PRKCA: variants seen among roughly 807,000 people sequenced by gnomAD.
PRKCA encodes the protein protein kinase C alpha type.
In PRKCA, 27 loss-of-function variants were observed where a neutral mutation model predicts 87.0. The observed-to-expected ratio is 0.31, with a 90% CI of 0.23 to 0.43. The LOEUF (loss-of-function observed/expected upper bound fraction) is 0.43. Among genes scored for constraint, PRKCA ranks in the 20% least tolerant of loss-of-function variants. PRKCA has a pLI of 1.00. For missense variants in PRKCA, 518 were observed against 852.3 expected, an observed-to-expected ratio of 0.61 and a Z score of 4.88; for synonymous variants, 329 against 311.1, an observed-to-expected ratio of 1.06 and a Z score of -0.61.
At chr17:66,503,349 T>C (rs559874998) in intron 3 of PRKCA, among the ~76,000 whole-genome samples, 111 of 152,320 alleles carry the variant, frequency 7.3e-4, no homozygotes, top group Middle Eastern at 3.4e-3. Context: ...CTATCTCACC[T>C]GGCAGACAAC....
At chr17:66,640,755 G>C (rs1971269861) in intron 3 of PRKCA, among the ~76,000 whole-genome samples, 1 of 152,216 alleles carries the variant, frequency 6.6e-6, no homozygotes. Flanking sequence ...CACTGTGCTT[G>C]TCCCCAAGGG....
Position 66,306,134 on chromosome 17 carries a change from T to C in PRKCA, c.205+7T>C. ...CAAGGCTTCCAGTGCCAAGGTAAGCTACCACTTTTGGTTTTATTTTCAAGC... is the reference window on the plus strand; with the variant it reads ...CAAGGCTTCCAGTGCCAAGGTAAGCCACCACTTTTGGTTTTATTTTCAAGC... On this transcript the variant is annotated splice_region_variant and intron_variant, in intron 2 of 16. Coordinates refer to ENST00000413366, the MANE Select transcript of PRKCA (RefSeq NM_002737.3). The C allele has an allele frequency of 6.2e-7, 1 of 1,611,580 alleles. No individual in the cohort carries two copies. The highest frequency in any genetic ancestry group is 1.1e-5 in the South Asian group (1 of 90,636).
At position 66,566,479 on chromosome 17, in the gene PRKCA, G is replaced by GTTTTTTTTTTTTTTT. The variant is rs368602635; in HGVS notation, c.288+70196_288+70197insTTTTTTTTTTTTTTT. ...TTGTGAAGAACTGTTGTTGTTTTTT[G>GTTTTTTTTTTTTTTT]GTTTTTTTTTTTTTTTTTTTTTTGC... On this transcript the variant is annotated intron_variant, in intron 3 of 16. Coordinates refer to ENST00000413366, the MANE Select transcript of PRKCA (RefSeq NM_002737.3). Among the ~76,000 whole-genome samples, 11 of 74,698 alleles carry GTTTTTTTTTTTTTTT rather than the reference G, an allele frequency of 1.5e-4. 1 individual carries two copies. The highest frequency in any genetic ancestry group is 6.5e-3 in the Middle Eastern group (1 of 154). The allele number at this position is 74,698 out of a possible 152,430, so 49.0% of individuals were successfully genotyped here. A position where few individuals can be genotyped will look rare whatever the true frequency, so the allele number is the denominator to read the frequency against.
At chr17:66,683,607 G>C (rs1490851827) in intron 5 of PRKCA, among the ~76,000 whole-genome samples, 2 of 151,954 alleles carry the variant, frequency 1.3e-5, no homozygotes, top group East Asian at 3.9e-4. Context: ...TCTTTTTTTG[G>C]GGGGGTCGGG....
rs948347509 is a variant in PRKCA, at chr17:66,423,647, T to C, written c.206-72554T>C. Among the ~76,000 whole-genome samples the C allele has an allele frequency of 2.0e-5, 3 of 152,246 alleles. 1 individual carries two copies. The East Asian group carries it at 5.8e-4, about 29-fold the overall frequency. On this transcript the variant is annotated intron_variant, in intron 2 of 16. Transcript: ENST00000413366. ...TGAAGCCTTTAATGCATACTGTTTT[T>C]CTTCCCAGGTAATCTGCAATAGTAA...
At chr17:66,432,033 G>A (rs904548047) in intron 2 of PRKCA, among the ~76,000 whole-genome samples, 1 of 152,146 alleles carries the variant, frequency 6.6e-6, no homozygotes, top group Non-Finnish European at 1.5e-5. Context: ...AAAGGAAGGG[G>A]AGAATGTTTT....
chr17:66,759,120 C>T lies in PRKCA; in HGVS notation c.1525-14867C>T, dbSNP rs569207385. Among the ~76,000 whole-genome samples, 14 of 151,630 alleles carry T rather than the reference C, an allele frequency of 9.2e-5. 1 individual carries two copies. In the South Asian group the frequency reaches 1.5e-3, roughly 16 times the overall value. ...CTGTAATCCTAGCACTTTGGGAGGC[C>T]GAGGCGGGCGGATTACAAGGTCAGG... On this transcript the variant is annotated intron_variant, in intron 13 of 16. Transcript: ENST00000413366.
In PRKCA at chr17:66,506,060, T is replaced by C. The variant is rs1916962168; in HGVS notation, c.288+9777T>C. Among the ~76,000 whole-genome samples, 3 of 151,882 alleles carry C rather than the reference T, an allele frequency of 2.0e-5. No homozygotes were observed. The South Asian group carries it at 6.2e-4, about 32-fold the overall frequency. ...CCTATAATCCCAGCACTTTGGGAGG[T>C]CAAGGCAGGTGGATCACCTGAGGTC... On this transcript the variant is annotated intron_variant, in intron 3 of 16. Coordinates refer to ENST00000413366, the MANE Select transcript of PRKCA (RefSeq NM_002737.3).
intron 13 of PRKCA, among the ~76,000 whole-genome samples, chr17:66,751,733 C>G (rs1974431462): frequency 6.6e-6 from 1 of 152,164 alleles, no homozygotes; most frequent in Admixed American, 6.5e-5. Context: ...GCCCCTGCCA[C>G]CCTCAGAGGG....
intron 2 of PRKCA, among the ~76,000 whole-genome samples, chr17:66,400,330 T>G (rs928205100): frequency 6.6e-6 from 1 of 152,188 alleles, no homozygotes; most frequent in African/African-American, 2.4e-5. Flanking sequence ...TTTTGCATTT[T>G]TAGTAGAGAT....
At chr17:66,374,501 G>C (rs908414634) in intron 2 of PRKCA, among the ~76,000 whole-genome samples, 1 of 152,102 alleles carries the variant, frequency 6.6e-6, no homozygotes, top group Non-Finnish European at 1.5e-5. Flanking sequence ...CCAGCCTAGT[G>C]GAGACTTGCT....
chr17:66,643,324 G>C (rs984040915), intron 4 of PRKCA, among the ~76,000 whole-genome samples: 1 of 152,178 alleles, frequency 6.6e-6, no homozygotes, highest in South Asian at 2.1e-4. Flanking sequence ...TTTTCTGCAT[G>C]AATGAGGATT....
At chr17:66,660,119 CAA>C (rs755809575) in intron 5 of PRKCA, among the ~76,000 whole-genome samples, 2 of 138,644 alleles carry the variant, frequency 1.4e-5, no homozygotes, top group Non-Finnish European at 3.2e-5. Context: ...TAGGGATCAA[CAA>C]AAAAAAAAAC....
At chr17:66,781,868 G>GAGAGATATATATATATATATAT (rs1491546533) in intron 14 of PRKCA, among the ~76,000 whole-genome samples, 1 of 99,356 alleles carries the variant, frequency 1.0e-5, no homozygotes, top group African/African-American at 3.8e-5. Flanking sequence ...GAGAGAGAGA[G>GAGAGATATATATATATATATAT]ATATATATAT....
chr17:66,454,365 A>G (rs926612834), intron 2 of PRKCA, among the ~76,000 whole-genome samples: 1 of 152,232 alleles, frequency 6.6e-6, no homozygotes, highest in Non-Finnish European at 1.5e-5. Flanking sequence ...AGCAAAGACC[A>G]TGGAGGTGAG....
intron 2 of PRKCA, among the ~76,000 whole-genome samples, chr17:66,454,175 G>T (rs1914472004): frequency 6.6e-6 from 1 of 152,210 alleles, no homozygotes. Context: ...CAAGCCCACT[G>T]CCCTCTCTGG....
intron 3 of PRKCA, among the ~76,000 whole-genome samples, chr17:66,627,262 A>G (rs575817467): frequency 4.1e-4 from 63 of 152,270 alleles, no homozygotes; most frequent in Non-Finnish European, 8.1e-4. Flanking sequence ...CCAGTGGGTT[A>G]AGATGTAGGA....
At chr17:66,462,178 C>T (rs1914885200) in intron 2 of PRKCA, among the ~76,000 whole-genome samples, 1 of 152,074 alleles carries the variant, frequency 6.6e-6, no homozygotes, top group African/African-American at 2.4e-5. Context: ...TGGTGCTCTG[C>T]GGTTTCTGAG....
intron 14 of PRKCA, among the ~76,000 whole-genome samples, chr17:66,782,995 T>C (rs1004275814): frequency 6.6e-6 from 1 of 152,178 alleles, no homozygotes; most frequent in African/African-American, 2.4e-5. Context: ...TGTGGTCACT[T>C]TCGCTGCTCC....
Sources: gnomAD v4.1 joint callset for allele counts (sites outside exome capture counted in the v4.1 genomes callset) on GRCh38, gnomAD v4.1.1 for gene constraint, MANE v1.5 for transcripts, NCBI Gene and HGNC (gene_info 2026-07-23, HGNC 2026-07-21) for gene names.